Variants in TBC1D22A observed in about 807,000 individuals in gnomAD.
TBC1D22A encodes TBC1 domain family member 22A, also known as putative GTPase activator.
A neutral mutation model predicts 60.2 loss-of-function variants in TBC1D22A; 38 were observed. The ratio of observed to expected loss-of-function variants is 0.63; its 90% CI spans 0.49 to 0.83. TBC1D22A has a LOEUF of 0.83. TBC1D22A is among the 40% of genes least tolerant of loss of function. The pLI is 0.00. For synonymous variants in TBC1D22A, 302 were observed against 281.7 expected, an observed-to-expected ratio of 1.07 and a Z score of -0.72; for missense variants, 628 against 701.0, an observed-to-expected ratio of 0.90 and a Z score of 1.18.
At chr22:47,005,815 T>A (rs2061570812) in intron 10 of TBC1D22A, among the ~76,000 whole-genome samples, 1 of 150,390 alleles carries the variant, frequency 6.6e-6, no homozygotes, top group South Asian at 2.1e-4. Flanking sequence ...ACTCTCCATA[T>A]ACACACCCCC....
Position 47,115,412 on chromosome 22 carries a change from C to A in TBC1D22A, c.1425+3809C>A, listed in dbSNP as rs1423257579. The stretch of plus-strand genomic sequence containing the variant: ...GGGGCCTCTCCGCTGAGCCCTGCCC[C>A]GCCCCTTTAGCCACTGAGATTCAAG... On this transcript the variant is annotated intron_variant, in intron 12 of 12. Transcript: ENST00000337137. 7.2e-5 allele frequency among the ~76,000 whole-genome samples: 11 copies of A among 151,890 alleles called. 1 individual carries two copies. The South Asian group carries it at 1.9e-3, about 26-fold the overall frequency.
chr22:46,820,021 G>T (rs2085760026), intron 4 of TBC1D22A, among the ~76,000 whole-genome samples: 1 of 152,182 alleles, frequency 6.6e-6, no homozygotes, highest in Non-Finnish European at 1.5e-5. Context: ...TAGTTTATTT[G>T]CATAGAGGTG....
chr22:46,977,277 G>A (rs1469801700), intron 9 of TBC1D22A, among the ~76,000 whole-genome samples: 3 of 152,146 alleles, frequency 2.0e-5, no homozygotes, highest in African/African-American at 4.8e-5. Context: ...TCACTTTGGA[G>A]CCTCAATTTG....
chr22:47,045,884 G>A (rs1330955039), intron 11 of TBC1D22A, among the ~76,000 whole-genome samples: 1 of 152,116 alleles, frequency 6.6e-6, no homozygotes, highest in Non-Finnish European at 1.5e-5. Flanking sequence ...CTGCAGCCTT[G>A]TCTCCACGTC....
At chr22:46,936,948 T>A (rs1346077422) in intron 8 of TBC1D22A, among the ~76,000 whole-genome samples, 1 of 152,180 alleles carries the variant, frequency 6.6e-6, no homozygotes, top group Admixed American at 6.5e-5. Context: ...TGTACAGCTG[T>A]TCTTGAGATT....
chr22:46,779,137 T>A (rs952945350), intron 1 of TBC1D22A, among the ~76,000 whole-genome samples: 3 of 152,366 alleles, frequency 2.0e-5, no homozygotes, highest in Middle Eastern at 6.8e-3. Context: ...TTACGTACAG[T>A]ACATAATGTA....
chr22:46,865,538 T>A (rs1264687712), intron 4 of TBC1D22A, among the ~76,000 whole-genome samples: 2 of 152,250 alleles, frequency 1.3e-5, no homozygotes, highest in African/African-American at 4.8e-5. Flanking sequence ...CCTGATCTTA[T>A]GTGAAATCAC....
chr22:46,941,720 G>GGAATATATATATA (rs2072134849), intron 8 of TBC1D22A, among the ~76,000 whole-genome samples: 1 of 112,942 alleles, frequency 8.9e-6, no homozygotes, highest in African/African-American at 4.4e-5. Flanking sequence ...ATATATATAC[G>GGAATATATATATA]CGGAATGTAT....
chr22:46,797,342 A>AG, intron 3 of TBC1D22A, 102 bp from the exon 4 acceptor site: 1 of 1,296,770 alleles, frequency 7.7e-7, no homozygotes, highest in South Asian at 1.3e-5. Flanking sequence ...GATGGGAAGA[A>AG]GGGACCCATC....
intron 12 of TBC1D22A, among the ~76,000 whole-genome samples, chr22:47,171,866 A>G (rs1601763064): frequency 6.9e-6 from 1 of 144,242 alleles, no homozygotes; most frequent in Admixed American, 7.0e-5. Flanking sequence ...AGCTCTGGAG[A>G]CAGTCGCCCA....
intron 10 of TBC1D22A, among the ~76,000 whole-genome samples, chr22:47,010,374 A>G (rs1451979500): frequency 1.3e-5 from 2 of 152,208 alleles, no homozygotes; most frequent in African/African-American, 4.8e-5. Context: ...CCAGAAGGGC[A>G]GAGCTGAGCG....
At chr22:47,151,350 A>G (rs2067493867) in intron 12 of TBC1D22A, among the ~76,000 whole-genome samples, 2 of 152,204 alleles carry the variant, frequency 1.3e-5, no homozygotes, top group South Asian at 4.1e-4. Context: ...GCCCCACTGC[A>G]TGCCTTCCTC....
chr22:46,875,144 T>C (rs939392192), intron 4 of TBC1D22A, among the ~76,000 whole-genome samples: 2 of 152,182 alleles, frequency 1.3e-5, no homozygotes, highest in African/African-American at 4.8e-5. Flanking sequence ...TAAAAATCAG[T>C]GACACAGAAG....
Position 47,093,361 on chromosome 22 carries a change from G to T in TBC1D22A, c.1330-18147G>T, listed in dbSNP as rs114399890. Among the ~76,000 whole-genome samples the T allele has an allele frequency of 7.4e-3, 1,132 of 152,020 alleles. 14 individuals carry two copies. The highest frequency in any genetic ancestry group is 0.025 in the African/African-American group (1,031 of 41,476). On this transcript the variant is annotated intron_variant, in intron 11 of 12. Transcript: ENST00000337137. Reference sequence around the variant, plus strand: ...TATGTAAATCAAGGTCATTTTTTTTGAGTTTGATTCTTAGCTAGTTTTTGC... The same window carrying T: ...TATGTAAATCAAGGTCATTTTTTTTTAGTTTGATTCTTAGCTAGTTTTTGC...
intron 8 of TBC1D22A, chr22:46,913,690 G>A (rs16995974): frequency 0.042 from 41,837 of 985,256 alleles, 2,420 homozygotes; most frequent in African/African-American, 0.26. Flanking sequence ...CTTCAGAGTT[G>A]TTAATTGAAA....
chr22:47,140,743 G>A (rs1271231556), intron 12 of TBC1D22A, among the ~76,000 whole-genome samples: 1 of 152,180 alleles, frequency 6.6e-6, no homozygotes, highest in African/African-American at 2.4e-5. Context: ...TTGGGCCTGG[G>A]GGTTGTCCCT....
intron 7 of TBC1D22A, 85 bp from the exon 8 acceptor site, chr22:46,911,989 T>C (rs1602446559): frequency 1.2e-6 from 1 of 843,406 alleles, no homozygotes; most frequent in African/African-American, 1.7e-5. Flanking sequence ...AAATACAGTG[T>C]ACATTTTAAG....
At position 46,903,014 on chromosome 22, in the gene TBC1D22A, G is replaced by A. The variant is rs180786291; in HGVS notation, c.900+8168G>A. On this transcript the variant is annotated intron_variant, in intron 7 of 12. Transcript: ENST00000337137. ...GCGTATGGGGCAGTCCACTCTGGAG[G>A]GTCATGCCCAATTGCTGGGGCCGCC... 2.6e-3 allele frequency among the ~76,000 whole-genome samples: 391 copies of A among 152,332 alleles called. 6 individuals are homozygous for A. The highest frequency in any genetic ancestry group is 2.1e-3 in the South Asian group (10 of 4,824).
chr22:46,829,450 C>G (rs1283356913), intron 4 of TBC1D22A, among the ~76,000 whole-genome samples: 1 of 152,212 alleles, frequency 6.6e-6, no homozygotes, highest in African/African-American at 2.4e-5. Context: ...CTCCCTGATG[C>G]TCCTGAAGTC....
Sources: gnomAD v4.1 joint callset for allele counts (sites outside exome capture counted in the v4.1 genomes callset) on GRCh38, gnomAD v4.1.1 for gene constraint, MANE v1.5 for transcripts, NCBI Gene and HGNC (gene_info 2026-07-23, HGNC 2026-07-21) for gene names.